The following COL4A6 variants were observed in gnomAD, a reference collection of about 807,000 sequenced individuals.
COL4A6 encodes the protein collagen alpha-6(IV) chain.
Under a neutral mutation model 126.7 loss-of-function variants are expected in COL4A6, and 59 were observed. The ratio of observed to expected loss-of-function variants is 0.47; its 90% CI spans 0.38 to 0.58. The LOEUF is 0.58. Ranked by LOEUF, COL4A6 falls within the 20% of genes least tolerant of loss-of-function variation. COL4A6 has a pLI of 0.00. For synonymous variants in COL4A6, 547 were observed against 496.6 expected (o/e 1.10, Z -1.35); for missense variants, 1,285 against 1,337.3 (o/e 0.96, Z 0.61).
At chrX:108,230,319 T>C (rs767813517) in intron 3 of COL4A6, among the ~76,000 whole-genome samples, 33 of 111,869 alleles carry the variant, frequency 2.9e-4, no homozygotes, top group Non-Finnish European at 5.1e-4. Context: ...GAATTAAATA[T>C]GCACTGGGGA....
At chrX:108,266,971 A>T (rs755165288) in intron 3 of COL4A6, among the ~76,000 whole-genome samples, 1 of 112,028 alleles carries the variant, frequency 8.9e-6, no homozygotes, top group Non-Finnish European at 1.9e-5. Context: ...AAACCAGACA[A>T]AAGAAATTTA....
intron 2 of COL4A6, among the ~76,000 whole-genome samples, chrX:108,420,636 AG>A (rs1181236116): frequency 8.9e-6 from 1 of 112,065 alleles, no homozygotes; most frequent in Non-Finnish European, 1.9e-5. Context: ...TATGAACAAA[AG>A]TATGTCACTG....
At chrX:108,400,183 T>C (rs1280806512) in intron 2 of COL4A6, among the ~76,000 whole-genome samples, 2 of 111,466 alleles carry the variant, frequency 1.8e-5, no homozygotes, top group African/African-American at 6.5e-5. Context: ...GCTGGGCAAA[T>C]ATTTTGCTGT....
At chrX:108,279,912 G>A (rs942285493) in intron 3 of COL4A6, among the ~76,000 whole-genome samples, 1 of 111,414 alleles carries the variant, frequency 9.0e-6, no homozygotes, top group East Asian at 2.8e-4. Context: ...ACAACGAAAT[G>A]AAGGCAGAAT....
At chrX:108,403,591 A>G (rs2041142482) in intron 2 of COL4A6, among the ~76,000 whole-genome samples, 1 of 110,953 alleles carries the variant, frequency 9.0e-6, no homozygotes, top group Non-Finnish European at 1.9e-5. Flanking sequence ...ATTTTAATAA[A>G]TGCGTTGTTC....
chrX:108,184,341 G>A (rs2034785287), intron 23 of COL4A6, among the ~76,000 whole-genome samples: 1 of 112,337 alleles, frequency 8.9e-6, no homozygotes, highest in African/African-American at 3.2e-5. Context: ...CATGGCTATG[G>A]TTTGAATATG....
At chrX:108,323,327 C>T (rs2039073458) in intron 2 of COL4A6, among the ~76,000 whole-genome samples, 1 of 111,828 alleles carries the variant, frequency 8.9e-6, no homozygotes, top group African/African-American at 3.2e-5. Context: ...AAAACATGTT[C>T]CTTGCACTCA....
chrX:108,176,814 G>A (rs1474424210), intron 28 of COL4A6, 27 bp downstream of exon 28: 4 of 1,178,070 alleles, frequency 3.4e-6, no homozygotes, highest in East Asian at 3.0e-5. Context: ...GGCAACCACT[G>A]GTCACTTCAC....
chrX:108,284,741 A>C (rs1376759986), intron 3 of COL4A6, among the ~76,000 whole-genome samples: 1 of 112,456 alleles, frequency 8.9e-6, no homozygotes, highest in African/African-American at 3.2e-5. Flanking sequence ...TTGGCAGTTC[A>C]AGCTTTTACA....
chrX:108,242,108 T>G, intron 3 of COL4A6, among the ~76,000 whole-genome samples: 1 of 109,117 alleles, frequency 9.2e-6, no homozygotes, highest in African/African-American at 3.3e-5. Context: ...GGATTACAGG[T>G]GCAAGCCACT....
At position 108,371,039 on chromosome X, in the gene COL4A6, T is replaced by G. The variant is rs181975419; in HGVS notation, c.64-60211A>C. On this transcript the variant is annotated intron_variant, in intron 2 of 44. Coordinates refer to ENST00000334504, the MANE Select transcript of COL4A6 (RefSeq NM_033641.4). ...TTCTGTGACATTTTCCTGATACCTT[T>G]GGAGAAATGGAACCAGTTTCTCCTC... 1.4e-3 allele frequency among the ~76,000 whole-genome samples: 154 copies of G among 110,391 alleles called. 2 individuals carry two copies. The Admixed American group carries it at 0.015, about 10-fold the overall frequency.
chrX:108,360,265 T>C (rs2040053948), intron 2 of COL4A6, among the ~76,000 whole-genome samples: 1 of 111,962 alleles, frequency 8.9e-6, no homozygotes, highest in African/African-American at 3.3e-5. Context: ...ATTAATCCAG[T>C]ATTTACTATG....
chrX:108,433,061 G>A (rs2064201986), intron 2 of COL4A6, among the ~76,000 whole-genome samples: 1 of 111,052 alleles, frequency 9.0e-6, no homozygotes, highest in Admixed American at 9.5e-5. Context: ...AAGGGTAAGT[G>A]GTTGGTGATG....
chrX:108,249,790 A>G (rs2036806356), intron 3 of COL4A6, among the ~76,000 whole-genome samples: 1 of 111,213 alleles, frequency 9.0e-6, no homozygotes, highest in Non-Finnish European at 1.9e-5. Context: ...CCGAGGTAAG[A>G]GTAAGCACTA....
At chrX:108,403,235 T>G (rs1397783145) in intron 2 of COL4A6, among the ~76,000 whole-genome samples, 1 of 7,666 alleles carries the variant, frequency 1.3e-4, no homozygotes, top group African/African-American at 1.1e-3. Flanking sequence ...AAAGATTAGC[T>G]CTCTCTCTCT....
intron 3 of COL4A6, among the ~76,000 whole-genome samples, chrX:108,280,673 C>T (rs1165316128): frequency 3.6e-5 from 4 of 111,347 alleles, no homozygotes; most frequent in East Asian, 2.8e-4. Context: ...ATACCAAAGC[C>T]GGGCAGAGAC....
chrX:108,187,233 A>G lies in COL4A6; in HGVS notation c.1814T>C (p.Leu605Pro). The change falls in exon 23 of 45, where the codon CTT becomes CCT. Residue 605 changes from leucine to proline, a missense_variant. By Grantham distance (98) the Leu-to-Pro change is moderately conservative (BLOSUM62 -3). Coordinates refer to ENST00000334504, the MANE Select transcript of COL4A6 (RefSeq NM_033641.4). ...GFPGEKGLPG[L>P]PGEKGHPGPP... The stretch of plus-strand genomic sequence containing the variant: ...ACCAGGATGGCCTTTTTCACCAGGA[A>G]GTCCAGGTAACCCCTTTTCACCTGG... 1 of 1,190,312 alleles carries G rather than the reference A, an allele frequency of 8.4e-7. No individual in the cohort carries two copies. The highest frequency in any genetic ancestry group is 1.9e-5 in the South Asian group (1 of 53,206).
intron 2 of COL4A6, among the ~76,000 whole-genome samples, chrX:108,352,569 T>C (rs1402110256): frequency 8.9e-6 from 1 of 112,502 alleles, no homozygotes; most frequent in African/African-American, 3.2e-5. Flanking sequence ...CTGAGACTAA[T>C]ACTGGAATAT....
At chrX:108,433,106 G>A (rs943192230) in intron 2 of COL4A6, among the ~76,000 whole-genome samples, 9 of 111,681 alleles carry the variant, frequency 8.1e-5, no homozygotes, top group Non-Finnish European at 1.3e-4. Flanking sequence ...TGGGGGTAAT[G>A]CAATTGAAGA....
Sources: gnomAD v4.1 joint callset for allele counts (sites outside exome capture counted in the v4.1 genomes callset) on GRCh38, gnomAD v4.1.1 for gene constraint, MANE v1.5 for transcripts, NCBI Gene and HGNC (gene_info 2026-07-23, HGNC 2026-07-21) for gene names.